Variants in GRID2IP observed in about 807,000 individuals in gnomAD.
GRID2IP encodes Grid2 interacting protein.
In GRID2IP, 78 loss-of-function variants were observed where a neutral mutation model predicts 114.3. The observed-to-expected ratio is 0.68, with a 90% CI of 0.57 to 0.82. The LOEUF (loss-of-function observed/expected upper bound fraction) is 0.82. Ranked by LOEUF, GRID2IP falls within the 40% of genes least tolerant of loss-of-function variation. The pLI is 0.00. For synonymous variants in GRID2IP, 809 were observed against 724.0 expected, an observed-to-expected ratio of 1.12 and a Z score of -1.89; for missense variants, 1,727 against 1,678.5, an observed-to-expected ratio of 1.03 and a Z score of -0.51.
Position 6,536,998 on chromosome 7 carries a change from G to C in GRID2IP, c.584+2720C>G. On this transcript the variant is annotated intron_variant, in intron 2 of 21. Coordinates refer to ENST00000457091, the MANE Select transcript of GRID2IP (RefSeq NM_001145118.2). The surrounding 1 kb of genome is among the most constrained non-coding windows in gnomAD (Gnocchi z 5.3). ...GGAGGGGCAGGCTGCGGGGTGAATG[G>C]CAGCAAGGGGAGGGGGCGGGCTGAG... 3.6e-6 allele frequency: 1 copy of C among 280,200 alleles called. No homozygotes were observed. Among genetic ancestry groups the C allele is most frequent in the Non-Finnish European group, 6.8e-6 (1 of 147,594 alleles). The allele number at this position is 280,200 out of a possible 1,614,324, so 17.4% of individuals were successfully genotyped here.
rs1056028273 is a variant in GRID2IP, at chr7:6,536,412, C to T, written c.584+3306G>A. Among the ~76,000 whole-genome samples, 7 of 152,256 alleles carry T rather than the reference C, an allele frequency of 4.6e-5. No homozygotes were observed. The highest frequency in any genetic ancestry group is 1.7e-4 in the African/African-American group (7 of 41,476). On this transcript the variant is annotated intron_variant, in intron 2 of 21. Transcript: ENST00000457091. This position sits in a 1 kb window ranked among gnomAD's most constrained non-coding sequence, Gnocchi z 5.3. ...AATCGAGCGCGCCCAAGGGGGTTCC[C>T]CCTCCCGCGCCCTGCCCGACCCGCT...
intron 20 of GRID2IP, among the ~76,000 whole-genome samples, chr7:6,498,545 G>A (rs1445216745): frequency 2.7e-5 from 4 of 150,478 alleles, no homozygotes; most frequent in African/African-American, 9.8e-5. Flanking sequence ...ATTTACAGTA[G>A]GCCCCTCTGT....
At chr7:6,550,985 C>CCCA in intron 1 of GRID2IP, 23 bp downstream of exon 1, 2 of 1,201,026 alleles carry the variant, frequency 1.7e-6, no homozygotes, top group Non-Finnish European at 1.0e-6. Context: ...TTCCCGCCCC[C>CCCA]ACCTCCCACC....
intron 1 of GRID2IP, among the ~76,000 whole-genome samples, chr7:6,542,317 A>AG (rs1300227009): frequency 2.6e-5 from 4 of 151,258 alleles, no homozygotes; most frequent in East Asian, 1.9e-4. Flanking sequence ...AAAAAAAAAA[A>AG]AAAAAAAAAG....
rs568714781 is a variant in GRID2IP at position 6,508,874 on chromosome 7, T to C, written c.2127+84A>G. 2 of 1,480,962 alleles carry C rather than the reference T, an allele frequency of 1.4e-6. No homozygotes were observed. The highest frequency in any genetic ancestry group is 2.8e-5 in the African/African-American group (2 of 71,724). 91.7% of individuals were successfully genotyped at this position (1,480,962 alleles called of 1,614,324 possible). On this transcript the variant is annotated intron_variant, in intron 12 of 21. Transcript: ENST00000457091. This position sits in a 1 kb window ranked among gnomAD's most constrained non-coding sequence, Gnocchi z 5.6. The stretch of plus-strand genomic sequence containing the variant: ...AAGATCCCAAGGGCAGCAGGCCCCT[T>C]GCGGGAGCCCAGGAACACTGTTGCC...
intron 2 of GRID2IP, among the ~76,000 whole-genome samples, chr7:6,531,661 G>A (rs1047168482): frequency 6.6e-6 from 1 of 152,238 alleles, no homozygotes; most frequent in Non-Finnish European, 1.5e-5. Flanking sequence ...ATCATGCCTG[G>A]CTAATTATCG....
Position 6,510,967 on chromosome 7 carries a change from G to T in GRID2IP, c.1496C>A (p.Ala499Asp). The T allele has an allele frequency of 1.3e-6, 2 of 1,546,312 alleles. No homozygotes were observed. Among genetic ancestry groups the T allele is most frequent in the Non-Finnish European group, 1.7e-6 (2 of 1,144,476 alleles). Reference sequence around the variant, plus strand: ...GAGGCTGCGGCGGCACATGGAGGAAGCCCGCAGGGAGCTCCGCGGCTGGGG... The same window carrying T: ...GAGGCTGCGGCGGCACATGGAGGAATCCCGCAGGGAGCTCCGCGGCTGGGG... ...PEPQPRSSLR[A>D]SSMCRRSLRS... Residue 499 changes from alanine (A) to aspartate (D), a missense_variant, in exon 9 of 22, where the codon GCT (alanine) becomes GAT (aspartate). Coordinates refer to ENST00000457091, the MANE Select transcript of GRID2IP (RefSeq NM_001145118.2).
chr7:6,524,154 C>G (rs1009996665), intron 4 of GRID2IP, among the ~76,000 whole-genome samples: 1 of 152,032 alleles, frequency 6.6e-6, no homozygotes. Flanking sequence ...CAGTTTCCCC[C>G]TTTGTAAAAG....
At chr7:6,518,567 T>G (rs532578370) in intron 7 of GRID2IP, among the ~76,000 whole-genome samples, 1 of 151,638 alleles carries the variant, frequency 6.6e-6, no homozygotes, top group African/African-American at 2.4e-5. Context: ...GAAACCCTGT[T>G]TCTACTAAAA....
At position 6,526,381 on chromosome 7, in the gene GRID2IP, G is replaced by C. The variant is rs1779510745; in HGVS notation, c.834-72C>G. On this transcript the variant is annotated intron_variant, in intron 3 of 21. Coordinates refer to ENST00000457091, the MANE Select transcript of GRID2IP (RefSeq NM_001145118.2). The surrounding 1 kb of genome is among the most constrained non-coding windows in gnomAD (Gnocchi z 7.6). ...GGGGCGCAGAGGTTGGAGATGTCCC[G>C]TGTCCCTCTCCCCTTAACCTCTCCG... 5.3e-6 allele frequency: 8 copies of C among 1,500,662 alleles called. No individual in the cohort carries two copies. The highest frequency in any genetic ancestry group is 3.9e-5 in the Admixed American group (2 of 50,908). 93.0% of individuals were successfully genotyped at this position (1,500,662 alleles called of 1,614,324 possible).
chr7:6,542,443 C>A (rs572347382), intron 1 of GRID2IP, among the ~76,000 whole-genome samples: 1 of 152,080 alleles, frequency 6.6e-6, no homozygotes, highest in Admixed American at 6.6e-5. Context: ...TGTTTGAGAC[C>A]AGGAATTCAA....
chr7:6,510,447 A>G (rs2115366225), intron 10 of GRID2IP, 47 bp from the exon 11 acceptor site: 2 of 1,424,054 alleles, frequency 1.4e-6, no homozygotes, highest in Non-Finnish European at 1.9e-6. Context: ...TTCCCCTCGT[A>G]GCCCTAATGT....
chr7:6,513,545 C>T (rs1438320376), intron 8 of GRID2IP, among the ~76,000 whole-genome samples: 1 of 152,132 alleles, frequency 6.6e-6, no homozygotes, highest in Non-Finnish European at 1.5e-5. Context: ...CTCACAAGTT[C>T]CACTTCTCAG....
rs1779970706 is a variant in GRID2IP, at chr7:6,551,117, C to A, written c.320G>T (p.Cys107Phe). The A allele has an allele frequency of 7.7e-6, 10 of 1,296,282 alleles. No individual in the cohort carries two copies. Among genetic ancestry groups the A allele is most frequent in the Non-Finnish European group, 9.7e-6 (10 of 1,026,076 alleles). 80.3% of individuals were successfully genotyped at this position (1,296,282 alleles called of 1,614,324 possible). Residue 107 changes from cysteine to phenylalanine, a missense_variant, in exon 1 of 22, where the codon TGC becomes TTC. Cys to Phe is a radical substitution (Grantham distance 205, BLOSUM62 -2). Coordinates refer to ENST00000457091, the MANE Select transcript of GRID2IP (RefSeq NM_001145118.2). ...ACGGCCCAGAGCTAGGCCGCGGCCGCACCGCGGGGCCCGCAAGACTGTGGT... is the reference window on the plus strand; with the variant it reads ...ACGGCCCAGAGCTAGGCCGCGGCCGAACCGCGGGGCCCGCAAGACTGTGGT... ...APTTVLRAPR[C>F]GRGLALGREL... is the part of the protein sequence containing the mutation.
At chr7:6,517,636 T>C (rs1161238574) in intron 7 of GRID2IP, among the ~76,000 whole-genome samples, 2 of 152,108 alleles carry the variant, frequency 1.3e-5, no homozygotes, top group Non-Finnish European at 2.9e-5. Flanking sequence ...CCAGCCGTCG[T>C]GGCTCACAAG....
chr7:6,497,867 G>A (rs1212482890), intron 21 of GRID2IP, 22 bp from the exon 22 acceptor site: 1 of 1,543,618 alleles, frequency 6.5e-7, no homozygotes, highest in Non-Finnish European at 8.8e-7. Flanking sequence ...GAACACAGAG[G>A]TAGGGTGGTC....
In GRID2IP at chr7:6,502,817, G is replaced by T; in HGVS notation, c.3119C>A (p.Thr1040Asn). Residue 1040 changes from threonine to asparagine, a missense_variant, in exon 18 of 22, where the codon ACT becomes AAT. Physicochemically the swap from Thr to Asn is moderately conservative, Grantham distance 65. Coordinates refer to ENST00000457091, the MANE Select transcript of GRID2IP (RefSeq NM_001145118.2). ...CAGAAAGTTGATCTTGAAGCCCGTA[G>T]TCTTGTTGGTTTTGGGCTGTCCATC... ...LNDGQPKTNK[T>N]TGFKINFLTE... is the part of the protein sequence containing the mutation. 1.3e-6 allele frequency: 2 copies of T among 1,551,986 alleles called. No individual in the cohort carries two copies. Among genetic ancestry groups the T allele is most frequent in the East Asian group, 4.9e-5 (2 of 40,918 alleles).
At chr7:6,545,027 C>A (rs1273235570) in intron 1 of GRID2IP, among the ~76,000 whole-genome samples, 5 of 152,054 alleles carry the variant, frequency 3.3e-5, no homozygotes, top group Non-Finnish European at 7.4e-5. Flanking sequence ...GCGGAGCTTG[C>A]AGTAAGCCGA....
At chr7:6,550,693 G>T (rs1316605842) in intron 1 of GRID2IP, among the ~76,000 whole-genome samples, 6 of 150,860 alleles carry the variant, frequency 4.0e-5, no homozygotes, top group Non-Finnish European at 7.4e-5. Flanking sequence ...GCTGGGTGTG[G>T]TGGCAAACGC....
Sources: allele counts gnomAD v4.1 joint callset (sites outside exome capture counted in the v4.1 genomes callset), GRCh38; gene constraint gnomAD v4.1.1; non-coding constraint Gnocchi (gnomAD v3.1); transcripts MANE v1.5; gene names NCBI Gene and HGNC (gene_info 2026-07-23, HGNC 2026-07-21).